PTBP3: variants seen among roughly 807,000 people sequenced by gnomAD.
The protein encoded by PTBP3 is polypyrimidine tract binding protein 3.
In PTBP3, 20 loss-of-function variants were observed where a neutral mutation model predicts 58.7. The observed-to-expected ratio is 0.34, with a 90% confidence interval of 0.24 to 0.50. The LOEUF (loss-of-function observed/expected upper bound fraction) is 0.50. Ranked by LOEUF, PTBP3 falls within the 20% of genes least tolerant of loss-of-function variation. The pLI, the probability that PTBP3 is intolerant of heterozygous loss-of-function variation, is 0.98. For missense variants in PTBP3, 509 were observed against 637.2 expected, an observed-to-expected ratio of 0.80 and a Z score of 2.17; for synonymous variants, 185 against 219.8, an observed-to-expected ratio of 0.84 and a Z score of 1.40.
intron 4 of PTBP3, among the ~76,000 whole-genome samples, chr9:112,263,709 G>C (rs1296428326): frequency 6.6e-6 from 1 of 152,104 alleles, no homozygotes; most frequent in Non-Finnish European, 1.5e-5. Context: ...ACATAAATGG[G>C]GTATGAGGAA....
chr9:112,269,840 G>A (rs994741734), intron 3 of PTBP3, among the ~76,000 whole-genome samples: 1 of 151,988 alleles, frequency 6.6e-6, no homozygotes, highest in African/African-American at 2.4e-5. Context: ...ACATGATGGT[G>A]CACACTTTAG....
intron 3 of PTBP3, among the ~76,000 whole-genome samples, chr9:112,269,329 G>GA (rs1257787180): frequency 6.6e-6 from 1 of 151,702 alleles, no homozygotes; most frequent in Non-Finnish European, 1.5e-5. Context: ...AAAAACAGAG[G>GA]AAAAAACATT....
In PTBP3 at chr9:112,221,302, C is replaced by A; in HGVS notation, c.*2549G>T. 1 of 985,714 alleles carries A rather than the reference C, an allele frequency of 1.0e-6. No individual in the cohort carries two copies. Among genetic ancestry groups the A allele is most frequent in the Non-Finnish European group, 1.2e-6 (1 of 829,874 alleles). The allele number at this position is 985,714 out of a possible 1,614,324, so 61.1% of individuals were successfully genotyped here. A position where few individuals can be genotyped will look rare whatever the true frequency, so the allele number is the denominator to read the frequency against. Reference sequence around the variant, plus strand: ...ACATTCACACACACACACAAACACACCCCTACACAAATCCCTGAAAAGGAT... The same window carrying A: ...ACATTCACACACACACACAAACACAACCCTACACAAATCCCTGAAAAGGAT... On this transcript the variant is annotated 3_prime_UTR_variant, in exon 14 of 14. Transcript: ENST00000374257.
intron 12 of PTBP3, among the ~76,000 whole-genome samples, chr9:112,224,919 T>C (rs904995722): frequency 6.6e-6 from 1 of 152,206 alleles, no homozygotes; most frequent in African/African-American, 2.4e-5. Flanking sequence ...TAAGCCATTT[T>C]GGAAATGGAT....
chr9:112,353,531 C>A, the PTBP3 span, among the ~76,000 whole-genome samples: 1 of 151,232 alleles, frequency 6.6e-6, no homozygotes, highest in Non-Finnish European at 1.5e-5. Flanking sequence ...CAGGTGTGAG[C>A]CACCGCGCCT....
At chr9:112,320,173 G>C (rs1829859174) in intron 1 of PTBP3, among the ~76,000 whole-genome samples, 1 of 151,150 alleles carries the variant, frequency 6.6e-6, no homozygotes, top group Admixed American at 6.6e-5. Context: ...AGCTACTCAG[G>C]AGGCTGAGGT....
intron 5 of PTBP3, among the ~76,000 whole-genome samples, chr9:112,259,493 C>T (rs931126206): frequency 2.0e-5 from 3 of 152,200 alleles, no homozygotes; most frequent in Non-Finnish European, 4.4e-5. Context: ...ACCTTAGGCA[C>T]CTTACATTGC....
chr9:112,371,933 T>C, the PTBP3 span, among the ~76,000 whole-genome samples: 1 of 152,076 alleles, frequency 6.6e-6, no homozygotes, highest in Admixed American at 6.6e-5. Context: ...TTTGTAGAGA[T>C]GGAGTCATGT....
intron 1 of PTBP3, among the ~76,000 whole-genome samples, chr9:112,321,393 G>A (rs2132444357): frequency 6.6e-6 from 1 of 152,052 alleles, no homozygotes; most frequent in South Asian, 2.1e-4. Flanking sequence ...GCTGGGCATG[G>A]TGGCACGCAC....
chr9:112,256,115 A>T (rs7872190), intron 5 of PTBP3, among the ~76,000 whole-genome samples: 2 of 151,078 alleles, frequency 1.3e-5, no homozygotes, highest in African/African-American at 4.9e-5. Context: ...TTAGCCAGGC[A>T]TGGTGGTGCA....
intron 5 of PTBP3, among the ~76,000 whole-genome samples, chr9:112,255,091 G>A (rs1015923391): frequency 5.3e-5 from 8 of 152,168 alleles, no homozygotes; most frequent in Non-Finnish European, 7.4e-5. Context: ...CATGCCAGGT[G>A]AAATATGCCA....
chr9:112,292,501 T>C (rs185599632), intron 2 of PTBP3, among the ~76,000 whole-genome samples: 7 of 152,290 alleles, frequency 4.6e-5, no homozygotes, highest in South Asian at 4.1e-4. Context: ...TTACTCACAA[T>C]AGCACAATAG....
the PTBP3 span, among the ~76,000 whole-genome samples, chr9:112,343,563 G>T: frequency 6.6e-6 from 1 of 152,078 alleles, no homozygotes; most frequent in South Asian, 2.1e-4. Flanking sequence ...GCCGAGGTGG[G>T]CAGATCACCT....
At chr9:112,379,876 G>T in the PTBP3 span, 2 of 547,316 alleles carry the variant, frequency 3.7e-6, no homozygotes, top group Non-Finnish European at 6.4e-6. Context: ...GTCACCGTAC[G>T]ACCAGTGAGG....
intron 1 of PTBP3, among the ~76,000 whole-genome samples, chr9:112,317,981 T>G (rs533529466): frequency 1.3e-5 from 2 of 152,224 alleles, no homozygotes; most frequent in Non-Finnish European, 2.9e-5. Flanking sequence ...TGAACAACTT[T>G]ACATGCATAA....
intron 1 of PTBP3, among the ~76,000 whole-genome samples, chr9:112,317,875 G>A (rs1231120292): frequency 6.6e-6 from 1 of 151,106 alleles, no homozygotes; most frequent in Admixed American, 6.6e-5. Context: ...CCCGTGAGTC[G>A]GAGGTTGCAG....
intron 1 of PTBP3, among the ~76,000 whole-genome samples, chr9:112,303,364 A>C (rs4552985): frequency 0.85 from 128,789 of 151,788 alleles, 55,058 homozygotes; most frequent in African/African-American, 0.95. Flanking sequence ...TTAGTTCATT[A>C]ACATGATATA....
chr9:112,361,557 C>CTTCTT, the PTBP3 span, among the ~76,000 whole-genome samples: 3 of 992 alleles, frequency 3.0e-3, no homozygotes, highest in South Asian at 0.083. Context: ...AAATTTCTAC[C>CTTCTT]TTATTTTCCT....
intron 4 of PTBP3, among the ~76,000 whole-genome samples, chr9:112,263,120 T>C (rs1171115751): frequency 6.6e-6 from 1 of 152,142 alleles, no homozygotes; most frequent in Non-Finnish European, 1.5e-5. Flanking sequence ...CAAGGAAATG[T>C]TCAAAGAATG....
Sources: gnomAD v4.1 joint callset for allele counts (sites outside exome capture counted in the v4.1 genomes callset) on GRCh38, gnomAD v4.1.1 for gene constraint, MANE v1.5 for transcripts, NCBI Gene and HGNC (gene_info 2026-07-23, HGNC 2026-07-21) for gene names.